SGCE: variants seen among roughly 807,000 people sequenced by gnomAD.
SGCE encodes the protein sarcoglycan epsilon, also known as epsilon-sarcoglycan.
A neutral mutation model predicts 57.8 loss-of-function variants in SGCE; 26 were observed. That is an observed-to-expected ratio of 0.45 (90% CI 0.33 to 0.62). The LOEUF (loss-of-function observed/expected upper bound fraction) is 0.62, where lower values mean the gene tolerates loss of function less well. Among genes scored for constraint, SGCE ranks in the 20% least tolerant of loss-of-function variants. The pLI is 0.02. For synonymous variants in SGCE, 183 were observed against 189.5 expected (o/e 0.97, Z 0.28); for missense variants, 468 against 548.6 (o/e 0.85, Z 1.47).
At chr7:94,589,149 A>G (rs1797302207) in intron 9 of SGCE, 1 of 206,180 alleles carries the variant, frequency 4.9e-6, no homozygotes, top group African/African-American at 2.3e-5. Flanking sequence ...ATGGAACAAC[A>G]TATATAACCA....
intron 1 of SGCE, among the ~76,000 whole-genome samples, chr7:94,637,542 G>A (rs193286110): frequency 7.7e-4 from 117 of 152,282 alleles, no homozygotes; most frequent in African/African-American, 2.7e-3. Context: ...GAGGTTCAAT[G>A]ACAGTATGAA....
intron 6 of SGCE, 105 bp from the exon 7 acceptor site, chr7:94,600,962 G>A: frequency 2.1e-6 from 2 of 969,270 alleles, no homozygotes; most frequent in Non-Finnish European, 3.2e-6. Context: ...TATCTAAAAA[G>A]CCATCTTTTC....
chr7:94,646,103 A>G (rs1217333018), intron 1 of SGCE, among the ~76,000 whole-genome samples: 1 of 152,210 alleles, frequency 6.6e-6, no homozygotes, highest in Non-Finnish European at 1.5e-5. Flanking sequence ...ATCTCAGCCA[A>G]TCCTCATTCT....
chr7:94,611,101 G>A (rs73425447), intron 5 of SGCE, among the ~76,000 whole-genome samples: 3,706 of 152,182 alleles, frequency 0.024, 132 homozygotes, highest in African/African-American at 0.082. Flanking sequence ...TCCTCAAAAT[G>A]TTAAATACAG....
chr7:94,634,208 C>T (rs1805194041), intron 1 of SGCE, among the ~76,000 whole-genome samples: 1 of 152,084 alleles, frequency 6.6e-6, no homozygotes, highest in African/African-American at 2.4e-5. Context: ...TTAAGGTTTA[C>T]AAGGATCTAA....
chr7:94,639,262 T>TA, intron 1 of SGCE: 4 of 909,562 alleles, frequency 4.4e-6, no homozygotes, highest in Non-Finnish European at 6.6e-6. Context: ...CACACATGAC[T>TA]AAAAAAGGGA....
intron 9 of SGCE, among the ~76,000 whole-genome samples, chr7:94,593,533 G>A (rs1797981242): frequency 6.6e-6 from 1 of 151,524 alleles, no homozygotes; most frequent in Admixed American, 6.6e-5. Context: ...CAAATATTTG[G>A]GATCCTCCAG....
In SGCE at chr7:94,654,290, C is replaced by A. The variant is rs1307885451; in HGVS notation, c.109+1700G>T. Among the ~76,000 whole-genome samples the A allele has an allele frequency of 4.6e-5, 7 of 152,148 alleles. No homozygotes were observed. The South Asian group carries it at 1.4e-3, about 31-fold the overall frequency. On this transcript the variant is annotated intron_variant, in intron 1 of 10. Coordinates refer to ENST00000648936, the MANE Select transcript of SGCE (RefSeq NM_003919.3). ...TCAAACTTGTTCAAACTTTTAAAGT[C>A]TTAAGATGGATTTTTGAACTTTAAT...
At chr7:94,606,284 A>G (rs1182170744) in intron 5 of SGCE, among the ~76,000 whole-genome samples, 2 of 152,356 alleles carry the variant, frequency 1.3e-5, no homozygotes, top group East Asian at 3.9e-4. Flanking sequence ...ATGGGTGGAG[A>G]AAGATATACT....
intron 8 of SGCE, chr7:94,599,189 A>ACAT: frequency 2.1e-6 from 1 of 485,696 alleles, no homozygotes; most frequent in Non-Finnish European, 3.6e-6. Flanking sequence ...GTGTTTTATT[A>ACAT]AACTAAGCTA....
intron 1 of SGCE, among the ~76,000 whole-genome samples, chr7:94,654,775 T>C (rs796235503): frequency 7.2e-5 from 11 of 152,362 alleles, no homozygotes; most frequent in African/African-American, 2.6e-4. Context: ...AAATAATCCG[T>C]AGCAATGTTA....
chr7:94,644,291 C>A (rs771328989), intron 1 of SGCE, among the ~76,000 whole-genome samples: 4 of 152,168 alleles, frequency 2.6e-5, no homozygotes, highest in Non-Finnish European at 5.9e-5. Flanking sequence ...AACCATATGA[C>A]AGTTAAAGTT....
intron 5 of SGCE, among the ~76,000 whole-genome samples, chr7:94,612,608 G>A (rs1455002048): frequency 1.3e-5 from 2 of 152,096 alleles, no homozygotes; most frequent in African/African-American, 4.8e-5. Context: ...ATATTACAAA[G>A]ACTATCTCTG....
At chr7:94,619,524 T>C (rs1802448962) in intron 4 of SGCE, 1 of 152,436 alleles carries the variant, frequency 6.6e-6, no homozygotes, top group South Asian at 2.1e-4. Context: ...CAACCCCATG[T>C]CAAATTCAGC....
chr7:94,631,960 G>A (rs534338063), intron 1 of SGCE, among the ~76,000 whole-genome samples: 3 of 152,058 alleles, frequency 2.0e-5, no homozygotes, highest in South Asian at 4.1e-4. Context: ...TATTTTCTCG[G>A]CAGCTAGAAG....
Position 94,603,344 on chromosome 7 carries a change from T to C in SGCE, c.771A>G (p.Thr257=). The C allele has an allele frequency of 1.9e-6, 3 of 1,612,696 alleles. No homozygotes were observed. The highest frequency in any genetic ancestry group is 8.5e-7 in the Non-Finnish European group (1 of 1,179,028). ...ATTGAGTACGAAATTTTTTATCACA[T>C]GTTATTACAGGCTCCATTTCTTGAC... ...RCSQEMEPVI[T]CDKKFRTQFY... Residue 257 remains threonine (T), a synonymous_variant, in exon 6 of 11, where the codon ACA becomes ACG. Transcript: ENST00000648936.
chr7:94,588,775 C>T (rs1448127436), intron 9 of SGCE, 43 bp from the exon 10 acceptor site: 7 of 1,610,930 alleles, frequency 4.3e-6, no homozygotes, highest in East Asian at 2.2e-5. Context: ...TTTGTTTACA[C>T]ACTTGTAAAC....
At chr7:94,603,698 C>T (rs960846409) in intron 5 of SGCE, among the ~76,000 whole-genome samples, 1 of 152,036 alleles carries the variant, frequency 6.6e-6, no homozygotes, top group Non-Finnish European at 1.5e-5. Flanking sequence ...ATGTTAATTT[C>T]TAAAAACTTT....
rs1418027415 is a variant in SGCE at position 94,629,823 on chromosome 7, T to C, written c.128A>G (p.Lys43Arg). 2 of 1,610,828 alleles carry C rather than the reference T, an allele frequency of 1.2e-6. No homozygotes were observed. Among genetic ancestry groups the C allele is most frequent in the Middle Eastern group, 1.7e-4 (1 of 6,028 alleles). Residue 43 changes from lysine to arginine, a missense_variant, in exon 2 of 11, where the codon AAG becomes AGG. Lys to Arg is a conservative substitution (Grantham distance 26, BLOSUM62 2). Transcript: ENST00000648936. ...GTATACATTCCGATCGGAGTGTACC[T>C]TGGAGAAAATACTGTACACTGAAAA... ...FLLTVYSIFSKVHSDRNVYPS... is the reference protein window; with the variant it reads ...FLLTVYSIFSRVHSDRNVYPS...
Sources: gnomAD v4.1 joint callset for allele counts (sites outside exome capture counted in the v4.1 genomes callset) on GRCh38, gnomAD v4.1.1 for gene constraint, MANE v1.5 for transcripts, NCBI Gene and HGNC (gene_info 2026-07-23, HGNC 2026-07-21) for gene names.